The following FCRLA variants were observed in gnomAD, a reference collection of about 807,000 sequenced individuals.
FCRLA encodes the protein Fc receptor-like A.
Under a neutral mutation model 28.4 loss-of-function variants are expected in FCRLA, and 26 were observed. That is an observed-to-expected ratio of 0.91 (90% CI 0.67 to 1.27). The LOEUF is 1.27. FCRLA is among the 50% of genes most tolerant of loss of function. The probability of loss-of-function intolerance (pLI) is 0.00; values close to 1 mark genes in which losing one functional copy is unlikely to be tolerated. For synonymous variants in FCRLA, 174 were observed against 168.5 expected (o/e 1.03, Z -0.25); for missense variants, 422 against 433.1 (o/e 0.97, Z 0.23).
chr1:161,708,868 T>G (rs1682959945), intron 1 of FCRLA, among the ~76,000 whole-genome samples: 1 of 152,246 alleles, frequency 6.6e-6, no homozygotes, highest in Non-Finnish European at 1.5e-5. Context: ...TATTTTCATC[T>G]ACCTGTGTCT....
chr1:161,711,467 A>G lies in FCRLA; in HGVS notation c.492A>G (p.Thr164=). Residue 164 remains threonine (T), a synonymous_variant, in exon 3 of 5, where the codon ACA becomes ACG. Transcript: ENST00000236938. ...IPETASVVAI[T]VQELFPAPIL... is the part of the protein sequence containing the mutation. ...AAACAGCATCTGTTGTGGCTATCAC[A>G]GTCCAAGGTGAGAGCTAGAAGCAGC... 1 of 1,612,668 alleles carries G rather than the reference A, an allele frequency of 6.2e-7. No homozygotes were observed.
chr1:161,712,269 A>G, intron 4 of FCRLA, 51 bp downstream of exon 4: 1 of 1,570,608 alleles, frequency 6.4e-7, no homozygotes, highest in Non-Finnish European at 8.6e-7. Flanking sequence ...GTGTGAGTGA[A>G]AAGGAGGGAT....
rs528020817 is a variant in FCRLA, at chr1:161,712,678, C to A, written c.785-407C>A. ...AAAATAATGGAAGGGGCTGGAGATGCTATCCTGAAGAGGAGGTGACTCAGA... is the reference window on the plus strand; with the variant it reads ...AAAATAATGGAAGGGGCTGGAGATGATATCCTGAAGAGGAGGTGACTCAGA... On this transcript the variant is annotated intron_variant, in intron 4 of 4. Transcript: ENST00000236938. Among the ~76,000 whole-genome samples the A allele has an allele frequency of 3.3e-5, 5 of 152,248 alleles. No individual in the cohort carries two copies. In the South Asian group the frequency reaches 6.2e-4, roughly 19 times the overall value.
rs750277137 is a variant in FCRLA at position 161,713,181 on chromosome 1, C to T, written c.881C>T (p.Pro294Leu). 2.0e-5 allele frequency: 32 copies of T among 1,614,222 alleles called. No homozygotes were observed. Among genetic ancestry groups the T allele is most frequent in the Middle Eastern group, 1.6e-4 (1 of 6,062 alleles). The change falls in exon 5 of 5, where the codon CCT becomes CTT. Residue 294 changes from proline to leucine, a missense_variant. This residue lies in a region of FCRLA where 185 missense variants were observed against 198.1 expected (regional missense o/e 0.93). Coordinates refer to ENST00000236938, the MANE Select transcript of FCRLA (RefSeq NM_032738.4). ...CCTGAGGAGGCCCCTGGGCCTCTGCCTCCGCCGCCAACCCCATCTTCTGAG... is the reference window on the plus strand; with the variant it reads ...CCTGAGGAGGCCCCTGGGCCTCTGCTTCCGCCGCCAACCCCATCTTCTGAG... ...TAPEEAPGPL[P>L]PPPTPSSEDP... is the part of the protein sequence containing the mutation.
At position 161,707,382 on chromosome 1, in the gene FCRLA, T is replaced by G. The variant is rs180961101; in HGVS notation, c.79+39T>G. 1.2e-3 allele frequency: 1,777 copies of G among 1,535,678 alleles called. 2 individuals are homozygous for G. Among genetic ancestry groups the G allele is most frequent in the Non-Finnish European group, 1.4e-3 (1,567 of 1,144,114 alleles). On this transcript the variant is annotated intron_variant, in intron 1 of 4. Transcript: ENST00000236938. ...TTGAATATTGGTGTGGGAATGGAGC[T>G]TTGCTTACCTTGGGAGAAAGGACCA... is the stretch of plus-strand genomic sequence containing the variant.
chr1:161,710,625 A>G, intron 1 of FCRLA, 135 bp from the exon 2 acceptor site: 1 of 1,367,602 alleles, frequency 7.3e-7, no homozygotes, highest in East Asian at 2.5e-5. Flanking sequence ...GTCTTTCCGA[A>G]AAAAAAAAAG....
rs147056887 is a variant in FCRLA, at chr1:161,711,525, G to C, written c.499+51G>C. ...TGGCAGGGGAGGGTAAGGAGAGACA[G>C]GGAGCCCAAATTGTCTTTCTTTAGC... On this transcript the variant is annotated intron_variant, in intron 3 of 4. Coordinates refer to ENST00000236938, the MANE Select transcript of FCRLA (RefSeq NM_032738.4). The C allele has an allele frequency of 6.8e-4, 1,062 of 1,561,688 alleles. 6 individuals carry two copies. In the African/African-American group the frequency reaches 0.013, roughly 19 times the overall value.
At chr1:161,711,686 C>T (rs1683109973) in intron 3 of FCRLA, 4 of 735,012 alleles carry the variant, frequency 5.4e-6, no homozygotes, top group Admixed American at 2.9e-5. Context: ...TTCCTACCAC[C>T]CAGATCTATG....
intron 1 of FCRLA, among the ~76,000 whole-genome samples, chr1:161,709,058 A>T (rs1682967685): frequency 1.3e-5 from 2 of 152,362 alleles, no homozygotes; most frequent in Non-Finnish European, 2.9e-5. Flanking sequence ...CATTTGTAGA[A>T]TGAAAATAAT....
rs546438182 is a variant in FCRLA, at chr1:161,711,565, A to T, written c.499+91A>T. On this transcript the variant is annotated intron_variant, in intron 3 of 4. Coordinates refer to ENST00000236938, the MANE Select transcript of FCRLA (RefSeq NM_032738.4). The stretch of plus-strand genomic sequence containing the variant: ...CTTTCTTTAGCCTGGAGGTAGCAAG[A>T]TCATCAACAGACTATGGAGCAGGTT... 1.6e-5 allele frequency: 23 copies of T among 1,474,288 alleles called. No homozygotes were observed. In the African/African-American group the frequency reaches 3.1e-4, roughly 20 times the overall value. 91.3% of individuals were successfully genotyped at this position (1,474,288 alleles called of 1,614,324 possible).
Position 161,710,887 on chromosome 1 carries a change from A to C in FCRLA, c.207A>C (p.Glu69Asp). Residue 69 changes from glutamate (E) to aspartate (D), a missense_variant, in exon 2 of 5, where the codon GAA becomes GAC. Glu to Asp is a conservative substitution (Grantham distance 45, BLOSUM62 2). Around this residue, in one of 3 missense-constraint regions of FCRLA, gnomAD observed 231 missense variants for 214.6 expected, o/e 1.08. Coordinates refer to ENST00000236938, the MANE Select transcript of FCRLA (RefSeq NM_032738.4). ...AGGTCAAGGCCTACACTTTCAGTGAACCCTTCCACCTGATTGTGTCCTATG... is the reference window on the plus strand; with the variant it reads ...AGGTCAAGGCCTACACTTTCAGTGACCCCTTCCACCTGATTGTGTCCTATG... Reference protein sequence around the residue: ...GFQVKAYTFSEPFHLIVSYDW... With the variant: ...GFQVKAYTFSDPFHLIVSYDW... 6.2e-7 allele frequency: 1 copy of C among 1,613,260 alleles called. No individual in the cohort carries two copies. The highest frequency in any genetic ancestry group is 8.5e-7 in the Non-Finnish European group (1 of 1,180,002).
Position 161,712,162 on chromosome 1 carries a change from C to T in FCRLA, c.728C>T (p.Ala243Val). ...DHSGSYWCEAATEDNQVWKQS... is the reference protein window; with the variant it reads ...DHSGSYWCEAVTEDNQVWKQS... ...TCCGGGTCATACTGGTGTGAGGCAG[C>T]CACTGAGGACAACCAAGTTTGGAAA... Residue 243 changes from alanine to valine, a missense_variant, in exon 4 of 5, where the codon GCC becomes GTC. Around this residue, in one of 3 missense-constraint regions of FCRLA, gnomAD observed 185 missense variants for 198.1 expected, o/e 0.93. Coordinates refer to ENST00000236938, the MANE Select transcript of FCRLA (RefSeq NM_032738.4). 6.2e-7 allele frequency: 1 copy of T among 1,614,144 alleles called. No homozygotes were observed. The highest frequency in any genetic ancestry group is 8.5e-7 in the Non-Finnish European group (1 of 1,180,004).
intron 3 of FCRLA, 111 bp from the exon 4 acceptor site, chr1:161,711,823 C>T: frequency 7.7e-7 from 1 of 1,297,814 alleles, no homozygotes; most frequent in Non-Finnish European, 1.1e-6. Context: ...AGAGCCCATT[C>T]CTGCTGGAAA....
At chr1:161,709,095 G>A (rs1305880622) in intron 1 of FCRLA, among the ~76,000 whole-genome samples, 5 of 152,150 alleles carry the variant, frequency 3.3e-5, no homozygotes, top group African/African-American at 1.2e-4. Context: ...GGTTTATTGA[G>A]TGAGTTCCCA....
chr1:161,712,800 T>G (rs1683170048), intron 4 of FCRLA, among the ~76,000 whole-genome samples: 1 of 152,234 alleles, frequency 6.6e-6, no homozygotes, highest in Non-Finnish European at 1.5e-5. Context: ...TAGAACCAGT[T>G]ACCACATTCA....
At chr1:161,710,592 A>G (rs1485732275) in intron 1 of FCRLA, 168 bp from the exon 2 acceptor site, 5 of 1,429,068 alleles carry the variant, frequency 3.5e-6, no homozygotes, top group African/African-American at 2.8e-5. Flanking sequence ...GGTCAAAACT[A>G]TCCCCCTGAG....
intron 1 of FCRLA, chr1:161,710,545 T>G: frequency 6.5e-7 from 1 of 1,538,718 alleles, no homozygotes; most frequent in Admixed American, 2.0e-5. Context: ...CAAACCACAG[T>G]GCATTTGCTG....
At position 161,713,566 on chromosome 1, in the gene FCRLA, G is replaced by A. The variant is rs564370863; in HGVS notation, c.*186G>A. ...TGAGAATTAGAGTTTAGCTATAATT[G>A]TGTATTCTCTCTTAACACAACAGAA... On this transcript the variant is annotated 3_prime_UTR_variant, in exon 5 of 5. Coordinates refer to ENST00000236938, the MANE Select transcript of FCRLA (RefSeq NM_032738.4). 1.1e-5 allele frequency: 6 copies of A among 568,432 alleles called. No individual in the cohort carries two copies. Among genetic ancestry groups the A allele is most frequent in the Non-Finnish European group, 1.8e-5 (6 of 325,220 alleles). 35.2% of individuals were successfully genotyped at this position (568,432 alleles called of 1,614,324 possible).
intron 1 of FCRLA, among the ~76,000 whole-genome samples, chr1:161,709,742 T>C (rs994278702): frequency 2.0e-5 from 3 of 151,358 alleles, no homozygotes; most frequent in African/African-American, 7.3e-5. Flanking sequence ...AGGGGGAGAA[T>C]AGTTAGGGAG....
Sources: allele counts gnomAD v4.1 joint callset (sites outside exome capture counted in the v4.1 genomes callset), GRCh38; gene constraint gnomAD v4.1.1; regional missense constraint gnomAD v4.1.1; transcripts MANE v1.5; gene names NCBI Gene and HGNC (gene_info 2026-07-23, HGNC 2026-07-21).